The following ZNF257 variants were observed in gnomAD, a reference collection of about 807,000 sequenced individuals.
The protein encoded by ZNF257 is bone marrow zinc finger 4.
Under a neutral mutation model 11.9 loss-of-function variants are expected in ZNF257, and 12 were observed. That is an observed-to-expected ratio of 1.01 (90% CI 0.65 to 1.63). The LOEUF is 1.63. ZNF257 is among the 40% of genes most tolerant of loss of function. The probability of loss-of-function intolerance (pLI) is 0.00; values close to 1 mark genes in which losing one functional copy is unlikely to be tolerated. For missense variants in ZNF257, 580 were observed against 665.5 expected, an observed-to-expected ratio of 0.87 and a Z score of 1.41; for synonymous variants, 183 against 222.7, an observed-to-expected ratio of 0.82 and a Z score of 1.59.
Position 22,090,389 on chromosome 19 carries a change from T to TG in ZNF257, c.*948dup, listed in dbSNP as rs1006611641. 6.6e-6 allele frequency: 1 copy of TG among 152,156 alleles called. No homozygotes were observed. Among genetic ancestry groups the TG allele is most frequent in the African/African-American group, 2.4e-5 (1 of 41,432 alleles). The allele number at this position is 152,156 out of a possible 1,614,324, so 9.4% of individuals were successfully genotyped here. A position where few individuals can be genotyped will look rare whatever the true frequency, so the allele number is the denominator to read the frequency against. ...ATTTTGTTCAGCATTAGGAAATTTA[T>TG]GTTGGAGAAGAATTCAGCAAGTGTG... On this transcript the variant is annotated 3_prime_UTR_variant, in exon 4 of 4. Coordinates refer to ENST00000594947, the MANE Select transcript of ZNF257 (RefSeq NM_033468.4).
chr19:22,079,521 C>T (rs2022311769), intron 3 of ZNF257, among the ~76,000 whole-genome samples: 1 of 152,156 alleles, frequency 6.6e-6, no homozygotes, highest in Non-Finnish European at 1.5e-5. Context: ...AGGAGCAAGT[C>T]ATGTCTTACA....
At chr19:22,069,381 G>A (rs1014957133) in intron 1 of ZNF257, among the ~76,000 whole-genome samples, 6 of 152,130 alleles carry the variant, frequency 3.9e-5, no homozygotes, top group Admixed American at 2.6e-4. Flanking sequence ...TTGGGAGGCC[G>A]AGGTGGGTGG....
Position 22,090,490 on chromosome 19 carries a change from G to A in ZNF257, c.*1048G>A, listed in dbSNP as rs1173749294. 3.9e-5 allele frequency: 6 copies of A among 152,158 alleles called. No homozygotes were observed. The East Asian group carries it at 1.2e-3, about 29-fold the overall frequency. The allele number at this position is 152,158 out of a possible 1,614,324, so 9.4% of individuals were successfully genotyped here. On this transcript the variant is annotated 3_prime_UTR_variant, in exon 4 of 4. Transcript: ENST00000594947. The stretch of plus-strand genomic sequence containing the variant: ...AGAGCTCATACTAAAATATACTTTT[G>A]CAGATGCAATAAATACAAAGAAATA...
chr19:22,055,407 T>C (rs1381554213), intron 1 of ZNF257, among the ~76,000 whole-genome samples: 1 of 152,086 alleles, frequency 6.6e-6, no homozygotes, highest in African/African-American at 2.4e-5. Context: ...GGTTTCGCCA[T>C]GTTGGCCAGG....
chr19:22,062,122 A>G (rs1031203296), intron 1 of ZNF257, among the ~76,000 whole-genome samples: 6 of 146,322 alleles, frequency 4.1e-5, no homozygotes, highest in Non-Finnish European at 5.9e-5. Context: ...GTGCAGTGGC[A>G]TGGTGTTGCC....
intron 1 of ZNF257, among the ~76,000 whole-genome samples, chr19:22,062,543 T>C (rs7249591): frequency 0.24 from 36,380 of 150,364 alleles, 6,100 homozygotes; most frequent in African/African-American, 0.48. Flanking sequence ...AGTACAATGG[T>C]GCAATCTCGG....
Position 22,088,324 on chromosome 19 carries a change from A to C in ZNF257, c.574A>C (p.Lys192Gln). Residue 192 changes from lysine to glutamine, a missense_variant, in exon 4 of 4, where the codon AAG becomes CAG. Physicochemically the swap from Lys to Gln is moderately conservative, Grantham distance 53 (BLOSUM62 1). Transcript: ENST00000594947. Reference sequence around the variant, plus strand: ...CATGCTTTCACAACTAACTCGACATAAGAGAATTCATATTAGAGAGAATTC... The same window carrying C: ...CATGCTTTCACAACTAACTCGACATCAGAGAATTCATATTAGAGAGAATTC... Reference protein sequence around the residue: ...FCMLSQLTRHKRIHIRENSHK... With the variant: ...FCMLSQLTRHQRIHIRENSHK... 1 of 1,613,680 alleles carries C rather than the reference A, an allele frequency of 6.2e-7. No homozygotes were observed. Among genetic ancestry groups the C allele is most frequent in the South Asian group, 1.1e-5 (1 of 91,050 alleles).
intron 3 of ZNF257, chr19:22,087,479 T>G: frequency 1.1e-6 from 1 of 912,454 alleles, no homozygotes. Flanking sequence ...ACATTTACCT[T>G]TGGTCTCAGC....
At chr19:22,080,870 A>T (rs2022341222) in intron 3 of ZNF257, among the ~76,000 whole-genome samples, 1 of 143,334 alleles carries the variant, frequency 7.0e-6, no homozygotes, top group South Asian at 2.4e-4. Flanking sequence ...TATATTATAT[A>T]TCTATATAGT....
intron 1 of ZNF257, among the ~76,000 whole-genome samples, chr19:22,053,010 GTC>G (rs1971737290): frequency 6.6e-6 from 1 of 152,146 alleles, no homozygotes; most frequent in Admixed American, 6.5e-5. Flanking sequence ...GGGGTTCTGA[GTC>G]TCTCTTTTCT....
chr19:22,053,280 A>C (rs1971745400), intron 1 of ZNF257, among the ~76,000 whole-genome samples: 1 of 146,624 alleles, frequency 6.8e-6, no homozygotes. Context: ...AGGCAGGAGA[A>C]TCGCTTGAAC....
chr19:22,085,446 C>CTATTGCAACGG (rs2022455019), intron 3 of ZNF257, among the ~76,000 whole-genome samples: 1 of 152,058 alleles, frequency 6.6e-6, no homozygotes, highest in South Asian at 2.1e-4. Context: ...ATTGTATGAG[C>CTATTGCAACGG]TATTGCAACG....
chr19:22,089,489 T>C lies in ZNF257; in HGVS notation c.*47T>C, dbSNP rs2022577882. ...TGAAGAATGTGTCAAAGCTTTTAAC[T>C]GTTCCTCAATCCTTACTAAACATAA... On this transcript the variant is annotated 3_prime_UTR_variant, in exon 4 of 4. Transcript: ENST00000594947. The C allele has an allele frequency of 6.4e-7, 1 of 1,567,444 alleles. No individual in the cohort carries two copies. Among genetic ancestry groups the C allele is most frequent in the South Asian group, 1.2e-5 (1 of 84,840 alleles).
At chr19:22,081,188 T>G (rs1238718958) in intron 3 of ZNF257, among the ~76,000 whole-genome samples, 1 of 151,918 alleles carries the variant, frequency 6.6e-6, no homozygotes, top group Non-Finnish European at 1.5e-5. Context: ...TATATAGATA[T>G]CTATATGTAT....
rs1163108935 is a variant in ZNF257 at position 22,091,163 on chromosome 19, C to CTAT, written c.*1723_*1725dup. 2.6e-5 allele frequency: 4 copies of CTAT among 151,918 alleles called. No individual in the cohort carries two copies. Among genetic ancestry groups the CTAT allele is most frequent in the Non-Finnish European group, 5.9e-5 (4 of 67,992 alleles). 9.4% of individuals were successfully genotyped at this position (151,918 alleles called of 1,614,324 possible). ...AATATTTTCTTTTACCACGTTAAGA[C>CTAT]TATTGTACGTTCAGGCCGGGCACAG... On this transcript the variant is annotated 3_prime_UTR_variant, in exon 4 of 4. Coordinates refer to ENST00000594947, the MANE Select transcript of ZNF257 (RefSeq NM_033468.4).
chr19:22,061,987 C>T (rs900548716), intron 1 of ZNF257, among the ~76,000 whole-genome samples: 1 of 151,568 alleles, frequency 6.6e-6, no homozygotes, highest in Non-Finnish European at 1.5e-5. Flanking sequence ...GAGATAAAGC[C>T]TACTTGATTA....
intron 2 of ZNF257, 104 bp downstream of exon 2, chr19:22,073,039 A>G (rs2022143285): frequency 4.6e-6 from 6 of 1,296,626 alleles, no homozygotes; most frequent in Middle Eastern, 2.3e-4. Context: ...GTAATTTTTG[A>G]TAATTATGTT....
intron 1 of ZNF257, among the ~76,000 whole-genome samples, chr19:22,060,034 A>G (rs748165482): frequency 2.6e-5 from 4 of 152,170 alleles, no homozygotes; most frequent in Non-Finnish European, 5.9e-5. Context: ...TGCCCATACC[A>G]TATTTTCTTT....
intron 3 of ZNF257, among the ~76,000 whole-genome samples, chr19:22,079,782 G>A (rs529114318): frequency 6.6e-6 from 1 of 152,214 alleles, no homozygotes; most frequent in African/African-American, 2.4e-5. Flanking sequence ...TATAATGATT[G>A]TATTAAATTT....
Sources: gnomAD v4.1 joint callset for allele counts (sites outside exome capture counted in the v4.1 genomes callset) on GRCh38, gnomAD v4.1.1 for gene constraint, MANE v1.5 for transcripts, NCBI Gene and HGNC (gene_info 2026-07-23, HGNC 2026-07-21) for gene names.